Variants in EFHB observed in about 807,000 individuals in gnomAD.
EFHB encodes EF-hand domain-containing family member B.
EFHB carries 91 observed loss-of-function variants against 87.2 expected under a neutral mutation model. The ratio of observed to expected loss-of-function variants is 1.04; its 90% confidence interval spans 0.88 to 1.24. The LOEUF is 1.24. Among genes scored for constraint, EFHB ranks in the 50% most tolerant of loss-of-function variants. The probability of loss-of-function intolerance (pLI) is 0.00; values close to 1 mark genes in which losing one functional copy is unlikely to be tolerated. For synonymous variants in EFHB, 325 were observed against 333.6 expected (o/e 0.97, Z 0.28); for missense variants, 1,084 against 998.8 (o/e 1.09, Z -1.15).
At chr3:19,904,982 A>C (rs1039184704) in intron 6 of EFHB, among the ~76,000 whole-genome samples, 1 of 152,150 alleles carries the variant, frequency 6.6e-6, no homozygotes, top group Non-Finnish European at 1.5e-5. Context: ...CTAATGACCC[A>C]ATTTTGTTTT....
chr3:19,890,143 T>C (rs964437115), intron 9 of EFHB, among the ~76,000 whole-genome samples: 3 of 152,294 alleles, frequency 2.0e-5, no homozygotes, highest in South Asian at 4.1e-4. Flanking sequence ...CAGGGCTTTG[T>C]GTGCACTGAA....
intron 5 of EFHB, among the ~76,000 whole-genome samples, chr3:19,909,719 A>G (rs1022587948): frequency 1.3e-5 from 2 of 152,058 alleles, no homozygotes; most frequent in African/African-American, 4.8e-5. Flanking sequence ...AGCAGGGAAG[A>G]CTTCACCTTG....
chr3:19,898,220 G>C (rs1290848277), intron 8 of EFHB, among the ~76,000 whole-genome samples: 1 of 152,208 alleles, frequency 6.6e-6, no homozygotes, highest in Non-Finnish European at 1.5e-5. Context: ...CAACTTACTG[G>C]CTAGCTGGCT....
chr3:19,918,118 T>C, intron 4 of EFHB, 114 bp downstream of exon 4: 1 of 1,128,788 alleles, frequency 8.9e-7, no homozygotes, highest in Non-Finnish European at 1.2e-6. Context: ...CTTTCCTTCT[T>C]GAGTCATCGT....
In EFHB at chr3:19,908,598, G is replaced by GAGAGAAAGAA. The variant is rs1694937855; in HGVS notation, c.1289-2850_1289-2849insTTCTTTCTCT. Among the ~76,000 whole-genome samples, 116 of 77,844 alleles carry GAGAGAAAGAA rather than the reference G, an allele frequency of 1.5e-3. 2 individuals carry two copies. Among genetic ancestry groups the GAGAGAAAGAA allele is most frequent in the East Asian group, 5.1e-3 (9 of 1,754 alleles). The allele number at this position is 77,844 out of a possible 152,430, so 51.1% of individuals were successfully genotyped here. A position where few individuals can be genotyped will look rare whatever the true frequency, so the allele number is the denominator to read the frequency against. On this transcript the variant is annotated intron_variant, in intron 5 of 12. Transcript: ENST00000295824. ...AGAGAGAGAGAGAGAGAGAGAGAGA[G>GAGAGAAAGAA]AGAAAGAAAGAAAGAAAGAAAGAAA...
At chr3:19,917,263 G>T (rs1260097840) in intron 4 of EFHB, among the ~76,000 whole-genome samples, 4 of 150,386 alleles carry the variant, frequency 2.7e-5, no homozygotes, top group African/African-American at 9.7e-5. Flanking sequence ...CATATATATA[G>T]AAACATAAAA....
upstream of EFHB, chr3:19,936,392 A>G (rs975607547): frequency 7.9e-6 from 4 of 509,446 alleles, no homozygotes; most frequent in African/African-American, 2.0e-5. Flanking sequence ...AGTGAGACCT[A>G]TCCCTACAAA....
intron 10 of EFHB, among the ~76,000 whole-genome samples, chr3:19,888,155 A>AT (rs1382888267): frequency 2.0e-5 from 3 of 152,122 alleles, no homozygotes; most frequent in Non-Finnish European, 4.4e-5. Context: ...ATAAATGTAT[A>AT]TTTTTATTTT....
intron 1 of EFHB, among the ~76,000 whole-genome samples, chr3:19,931,903 C>T (rs1695843664): frequency 6.6e-6 from 1 of 152,200 alleles, no homozygotes; most frequent in Admixed American, 6.5e-5. Flanking sequence ...GTCAATGTTT[C>T]CCAAGATTCT....
In EFHB at chr3:19,881,162, C is replaced by G. The variant is rs1193911391; in HGVS notation, c.2329-1358G>C. Among the ~76,000 whole-genome samples, 4 of 152,302 alleles carry G rather than the reference C, an allele frequency of 2.6e-5. No homozygotes were observed. In the East Asian group the frequency reaches 7.7e-4, roughly 29 times the overall value. On this transcript the variant is annotated intron_variant, in intron 12 of 12. Transcript: ENST00000295824. Reference sequence around the variant, plus strand: ...AAAGCAAAAACACAATACCCCTATGCATAGCTGCTATTTTCCCCACCCACT... The same window carrying G: ...AAAGCAAAAACACAATACCCCTATGGATAGCTGCTATTTTCCCCACCCACT...
In EFHB at chr3:19,896,769, A is replaced by G. The variant is rs1393173234; in HGVS notation, c.1643T>C (p.Ile548Thr). Residue 548 changes from isoleucine to threonine, a missense_variant, in exon 9 of 13, where the codon ATT (isoleucine) becomes ACT (threonine). By Grantham distance (89) the Ile-to-Thr change is moderately conservative. Transcript: ENST00000295824. ...CTTCAGGTGATGCCGAACTGCTGCA[A>G]TCAGGGCTCGCTGTCTATCCTTGCC... Reference protein sequence around the residue: ...LRGKDRQRALIAAVRHHLKKV... With the variant: ...LRGKDRQRALTAAVRHHLKKV... 4 of 1,613,304 alleles carry G rather than the reference A, an allele frequency of 2.5e-6. No homozygotes were observed. The highest frequency in any genetic ancestry group is 3.3e-5 in the Admixed American group (2 of 59,974).
rs71624361 is a variant in EFHB at position 19,908,562 on chromosome 3, A to AAGAGAGAGAGAG, written c.1289-2825_1289-2814dup. Among the ~76,000 whole-genome samples the AAGAGAGAGAGAG allele has an allele frequency of 1.3e-4, 11 of 83,900 alleles. No individual in the cohort carries two copies. The East Asian group carries it at 1.4e-3, about 10-fold the overall frequency. 55.0% of individuals were successfully genotyped at this position (83,900 alleles called of 152,430 possible). On this transcript the variant is annotated intron_variant, in intron 5 of 12. Coordinates refer to ENST00000295824, the MANE Select transcript of EFHB (RefSeq NM_144715.4). Reference sequence around the variant, plus strand: ...AAAGAAAGAAAGAGAGAAAGAGAGAAAGAGAGAGAGAGAGAGAGAGAGAGA... The same window carrying AAGAGAGAGAGAG: ...AAAGAAAGAAAGAGAGAAAGAGAGAAAGAGAGAGAGAGAGAGAGAGAGAGAGAGAGAGAGAGA...
At position 19,921,897 on chromosome 3, in the gene EFHB, G is replaced by A. The variant is rs368450456; in HGVS notation, c.790-1330C>T. ...AATACGAAGGCTGCCAGGCAAGGTG[G>A]CTCACACCTGTAATCCCAGCACTTT... On this transcript the variant is annotated intron_variant, in intron 1 of 12. Coordinates refer to ENST00000295824, the MANE Select transcript of EFHB (RefSeq NM_144715.4). 6.0e-4 allele frequency among the ~76,000 whole-genome samples: 91 copies of A among 152,274 alleles called. 1 individual carries two copies. The South Asian group carries it at 0.017, about 28-fold the overall frequency.
At chr3:19,944,614 C>T (rs532943474) in intron 1 of EFHB, among the ~76,000 whole-genome samples, 82 of 152,284 alleles carry the variant, frequency 5.4e-4, no homozygotes, top group African/African-American at 1.7e-3. Flanking sequence ...CAGCACTCTT[C>T]CAGGCAAACA....
upstream of EFHB, chr3:19,936,041 T>C (rs1327809161): frequency 9.2e-7 from 1 of 1,083,250 alleles, no homozygotes; most frequent in East Asian, 3.6e-5. Context: ...CAAAACAGAA[T>C]TTGAAAAGAA....
intron 8 of EFHB, among the ~76,000 whole-genome samples, chr3:19,898,402 C>G (rs914699337): frequency 1.3e-5 from 2 of 152,122 alleles, no homozygotes; most frequent in South Asian, 4.1e-4. Flanking sequence ...CCAGGGGATG[C>G]CAATACTGGC....
upstream of EFHB, chr3:19,936,120 G>T (rs748699093): frequency 2.7e-6 from 4 of 1,477,340 alleles, no homozygotes; most frequent in Non-Finnish European, 9.0e-7. Flanking sequence ...AGTGTGTAGG[G>T]GTCTGGACAT....
Position 19,899,489 on chromosome 3 carries a change from T to C in EFHB, c.1445A>G (p.Lys482Arg), listed in dbSNP as rs946640627. 10 of 1,606,636 alleles carry C rather than the reference T, an allele frequency of 6.2e-6. No homozygotes were observed. The African/African-American group carries it at 1.2e-4, about 19-fold the overall frequency. ...QMKRGAKFVS[K>R]RADDFKEKFQ... ...CTTTTCTTTGAAATCATCTGCTCTT[T>C]TGGATACAAACTTAGCTCCTCTTTT... The change falls in exon 7 of 13, where the codon AAA becomes AGA. Residue 482 changes from lysine to arginine, a missense_variant. Lys to Arg is a conservative substitution (Grantham distance 26). Transcript: ENST00000295824.
chr3:19,894,716 C>CG (rs1466174486), intron 9 of EFHB: 13 of 152,224 alleles, frequency 8.5e-5, no homozygotes, highest in Admixed American at 6.5e-4. Flanking sequence ...AGGCCAGGCG[C>CG]GGTGGTTCAT....
Sources: allele counts gnomAD v4.1 joint callset (sites outside exome capture counted in the v4.1 genomes callset), GRCh38; gene constraint gnomAD v4.1.1; transcripts MANE v1.5; gene names NCBI Gene and HGNC (gene_info 2026-07-23, HGNC 2026-07-21).